The following TAB2 variants were observed in gnomAD, a reference collection of about 807,000 sequenced individuals.
TAB2 encodes the protein TGF-beta-activated kinase 1 and MAP3K7-binding protein 2.
In TAB2, 3 loss-of-function variants were observed where a neutral mutation model predicts 65.0. The ratio of observed to expected loss-of-function variants is 0.05; its 90% CI spans 0.02 to 0.12. The LOEUF is 0.12. Among genes scored for constraint, TAB2 ranks in the 10% least tolerant of loss-of-function variants. The probability of loss-of-function intolerance (pLI) is 1.00; values close to 1 mark genes in which losing one functional copy is unlikely to be tolerated. For missense variants in TAB2, 623 were observed against 840.3 expected (o/e 0.74, Z 3.20); for synonymous variants, 298 against 285.1 (o/e 1.05, Z -0.46).
chr6:149,296,595 T>C (rs1310498087), intron 1 of TAB2, among the ~76,000 whole-genome samples: 2 of 152,190 alleles, frequency 1.3e-5, no homozygotes, highest in Non-Finnish European at 2.9e-5. Context: ...ATTTGAATAA[T>C]TTAGATTAAC....
At chr6:149,379,554 G>T in intron 3 of TAB2, 36 bp downstream of exon 3, 1 of 1,604,712 alleles carries the variant, frequency 6.2e-7, no homozygotes, top group Admixed American at 1.7e-5. Flanking sequence ...GGTTTTCCAT[G>T]CTGGGCTTGT....
chr6:149,235,775 A>G (rs760298841), intron 1 of TAB2, among the ~76,000 whole-genome samples: 7 of 152,316 alleles, frequency 4.6e-5, no homozygotes, highest in Non-Finnish European at 1.0e-4. Flanking sequence ...CGTGAATTTC[A>G]TTAGACATGC....
At chr6:149,307,871 A>G (rs1779096925) in intron 1 of TAB2, among the ~76,000 whole-genome samples, 1 of 152,230 alleles carries the variant, frequency 6.6e-6, no homozygotes, top group Admixed American at 6.5e-5. Flanking sequence ...TTACCACCCC[A>G]AAGCACTCTG....
intron 3 of TAB2, among the ~76,000 whole-genome samples, chr6:149,389,885 T>C (rs867752035): frequency 1.3e-5 from 2 of 152,186 alleles, no homozygotes; most frequent in African/African-American, 4.8e-5. Flanking sequence ...TCACCAGTTA[T>C]GCTAAAATGA....
At chr6:149,224,059 A>G (rs1200063161) in intron 1 of TAB2, among the ~76,000 whole-genome samples, 1 of 152,192 alleles carries the variant, frequency 6.6e-6, no homozygotes, top group African/African-American at 2.4e-5. Context: ...GAAAGCAGGG[A>G]AAAACAATGT....
At chr6:149,278,972 C>T (rs926858493) in intron 1 of TAB2, among the ~76,000 whole-genome samples, 4 of 152,102 alleles carry the variant, frequency 2.6e-5, no homozygotes, top group African/African-American at 7.2e-5. Flanking sequence ...ATAAAGTTTC[C>T]GTGGACCCTA....
At chr6:149,318,490 G>T (rs148540763) in intron 1 of TAB2, 2,423 of 150,714 alleles carry the variant, frequency 0.016, 26 homozygotes, top group Middle Eastern at 0.045. Flanking sequence ...ACAGACACGG[G>T]GCAGTTATGT....
At chr6:149,264,295 G>A (rs959832937) in intron 1 of TAB2, among the ~76,000 whole-genome samples, 2 of 152,170 alleles carry the variant, frequency 1.3e-5, no homozygotes, top group Non-Finnish European at 1.5e-5. Context: ...CCCTGACAGA[G>A]GGATTTAATA....
intron 1 of TAB2, among the ~76,000 whole-genome samples, chr6:149,333,439 C>G (rs1425515804): frequency 1.3e-5 from 2 of 152,068 alleles, no homozygotes; most frequent in Admixed American, 1.3e-4. Context: ...AGAGTTGAGT[C>G]CATAATAGCA....
At chr6:149,268,549 G>T (rs981577747) in intron 1 of TAB2, among the ~76,000 whole-genome samples, 2 of 152,218 alleles carry the variant, frequency 1.3e-5, no homozygotes, top group East Asian at 1.9e-4. Flanking sequence ...ATGACTGTGA[G>T]ATCCTTGCAT....
intron 1 of TAB2, among the ~76,000 whole-genome samples, chr6:149,294,420 T>C (rs1229388253): frequency 6.6e-6 from 1 of 152,218 alleles, no homozygotes; most frequent in African/African-American, 2.4e-5. Context: ...TAACTTTACT[T>C]CTTTGAAAAG....
In TAB2 at chr6:149,398,076, T is replaced by C. The variant is rs948276734; in HGVS notation, c.1858+14T>C. On this transcript the variant is annotated intron_variant, in intron 5 of 6. Transcript: ENST00000637181. ...TTCAAGCCCGAGGTAAAGTTCAGTG[T>C]ATTTGTAGCTGAAATTCATCGTATT... 1.2e-6 allele frequency: 2 copies of C among 1,604,750 alleles called. No individual in the cohort carries two copies. Among genetic ancestry groups the C allele is most frequent in the Non-Finnish European group, 1.7e-6 (2 of 1,171,986 alleles).
At chr6:149,227,566 T>G (rs1227204690) in intron 1 of TAB2, among the ~76,000 whole-genome samples, 1 of 152,142 alleles carries the variant, frequency 6.6e-6, no homozygotes, top group Non-Finnish European at 1.5e-5. Context: ...TTCAAGACAC[T>G]GGTTTCCTAT....
intron 1 of TAB2, among the ~76,000 whole-genome samples, chr6:149,237,001 A>G (rs1250551459): frequency 6.6e-6 from 1 of 152,164 alleles, no homozygotes; most frequent in African/African-American, 2.4e-5. Flanking sequence ...AACTCTCTTT[A>G]TTTTTTAAAT....
At chr6:149,358,844 C>T (rs965940297) in intron 1 of TAB2, among the ~76,000 whole-genome samples, 1 of 151,838 alleles carries the variant, frequency 6.6e-6, no homozygotes, top group Non-Finnish European at 1.5e-5. Context: ...ATAAGCTCTG[C>T]TGCTTTCTGG....
chr6:149,265,660 G>C (rs756663076), intron 1 of TAB2, among the ~76,000 whole-genome samples: 73 of 152,274 alleles, frequency 4.8e-4, no homozygotes, highest in Non-Finnish European at 8.8e-4. Flanking sequence ...TATAACAGGG[G>C]CTTATGCCTA....
chr6:149,401,558 A>G (rs981594153), intron 6 of TAB2, among the ~76,000 whole-genome samples: 4 of 152,196 alleles, frequency 2.6e-5, no homozygotes, highest in African/African-American at 9.6e-5. Context: ...TAATATGTAA[A>G]GCAAATAATG....
chr6:149,303,856 A>G (rs1583073981), intron 1 of TAB2, among the ~76,000 whole-genome samples: 2 of 152,348 alleles, frequency 1.3e-5, no homozygotes, highest in East Asian at 3.9e-4. Flanking sequence ...CAGTGAAGTC[A>G]GGAAAGTGGG....
intron 1 of TAB2, among the ~76,000 whole-genome samples, chr6:149,242,415 TAAAC>T (rs967021866): frequency 1.3e-5 from 2 of 152,204 alleles, no homozygotes; most frequent in African/African-American, 4.8e-5. Flanking sequence ...GAAATCTAAA[TAAAC>T]CTATTTTTTT....
Sources: gnomAD v4.1 joint callset for allele counts (sites outside exome capture counted in the v4.1 genomes callset) on GRCh38, gnomAD v4.1.1 for gene constraint, MANE v1.5 for transcripts, NCBI Gene and HGNC (gene_info 2026-07-23, HGNC 2026-07-21) for gene names.